Variants in CHID1 observed in about 807,000 individuals in gnomAD.
CHID1 encodes the protein chitinase domain-containing protein 1.
A neutral mutation model predicts 55.4 loss-of-function variants in CHID1; 44 were observed. The observed-to-expected ratio is 0.79, with a 90% confidence interval of 0.62 to 1.02. The LOEUF (loss-of-function observed/expected upper bound fraction) is 1.02, where lower values mean the gene tolerates loss of function less well. CHID1 is among the 50% of genes least tolerant of loss of function. The probability of loss-of-function intolerance (pLI) is 0.00; values close to 1 mark genes in which losing one functional copy is unlikely to be tolerated. For missense variants in CHID1, 491 were observed against 515.3 expected, an observed-to-expected ratio of 0.95 and a Z score of 0.46; for synonymous variants, 216 against 212.9, an observed-to-expected ratio of 1.01 and a Z score of -0.13.
chr11:912,570 C>T (rs574640427), upstream of CHID1, among the ~76,000 whole-genome samples: 2 of 152,162 alleles, frequency 1.3e-5, no homozygotes, highest in East Asian at 1.9e-4. Context: ...CTTGGCTGGG[C>T]GCGGTGGCTC....
Position 902,996 on chromosome 11 carries a change from T to C in CHID1, c.227A>G (p.His76Arg), listed in dbSNP as rs1284870348. 1.9e-6 allele frequency: 3 copies of C among 1,613,998 alleles called. No individual in the cohort carries two copies. The highest frequency in any genetic ancestry group is 1.3e-5 in the African/African-American group (1 of 75,064). Residue 76 changes from histidine to arginine, a missense_variant, in exon 3 of 13, where the codon CAC becomes CGC. By Grantham distance (29) the His-to-Arg change is conservative. Transcript: ENST00000323578. ...ATAGCCCAGTACATCCCCAGCAAAGTGTCTGTCCCGGGCCTTTGCCGAGCA... is the reference window on the plus strand; with the variant it reads ...ATAGCCCAGTACATCCCCAGCAAAGCGTCTGTCCCGGGCCTTTGCCGAGCA... ...SYCSAKARDR[H>R]FAGDVLGYVT...
At chr11:905,176 A>G (rs1477643671) in intron 1 of CHID1, among the ~76,000 whole-genome samples, 1 of 152,216 alleles carries the variant, frequency 6.6e-6, no homozygotes, top group African/African-American at 2.4e-5. Flanking sequence ...CTAGAAAAGC[A>G]TTGGTTCCCA....
At chr11:912,158 C>T (rs1407916885), upstream of CHID1, among the ~76,000 whole-genome samples, 1 of 152,124 alleles carries the variant, frequency 6.6e-6, no homozygotes, top group East Asian at 1.9e-4. Context: ...CCTGTCTCTA[C>T]TAAAAATACA....
At chr11:879,998 C>CACACACAGG in intron 10 of CHID1, among the ~76,000 whole-genome samples, 1 of 152,354 alleles carries the variant, frequency 6.6e-6, no homozygotes, top group East Asian at 1.9e-4. Flanking sequence ...GAGGGTGCAG[C>CACACACAGG]ACACACAGGA....
intron 1 of CHID1, 108 bp from the exon 2 acceptor site, chr11:904,967 G>A (rs887545943): frequency 1.1e-5 from 13 of 1,207,878 alleles, no homozygotes; most frequent in Non-Finnish European, 1.5e-5. Flanking sequence ...GGGTCCTCAT[G>A]GCACTGGATG....
At chr11:882,734 G>C (rs182823590) in intron 10 of CHID1, among the ~76,000 whole-genome samples, 1 of 152,308 alleles carries the variant, frequency 6.6e-6, no homozygotes, top group Non-Finnish European at 1.5e-5. Context: ...CAGAAATAAA[G>C]TAAAGTAATG....
chr11:912,191 G>T (rs929602788), upstream of CHID1, among the ~76,000 whole-genome samples: 3 of 152,246 alleles, frequency 2.0e-5, no homozygotes, highest in Admixed American at 1.3e-4. Context: ...GGTGGCGCAT[G>T]CCTGTAATCC....
At chr11:902,007 CTT>C (rs1431129188) in intron 4 of CHID1, 189 bp downstream of exon 4, 11 of 638,298 alleles carry the variant, frequency 1.7e-5, no homozygotes, top group Non-Finnish European at 2.2e-5. Flanking sequence ...CTCACAATCT[CTT>C]CTCTCCCACA....
upstream of CHID1, chr11:914,627 G>T: frequency 8.2e-7 from 1 of 1,215,306 alleles, no homozygotes; most frequent in Non-Finnish European, 1.1e-6. Flanking sequence ...CAGCACTTCG[G>T]GAGGCTGATC....
intron 1 of CHID1, among the ~76,000 whole-genome samples, chr11:905,668 CA>C (rs1042618226): frequency 1.3e-3 from 166 of 130,620 alleles, no homozygotes; most frequent in Admixed American, 1.3e-3. Flanking sequence ...GACTCCATCT[CA>C]AAAAAAAAAA....
In CHID1 at chr11:875,689, C is replaced by T. The variant is rs115603332; in HGVS notation, c.960-5190G>A. Among the ~76,000 whole-genome samples, 304 of 152,270 alleles carry T rather than the reference C, an allele frequency of 2.0e-3. 1 individual carries two copies. The highest frequency in any genetic ancestry group is 7.1e-3 in the African/African-American group (294 of 41,540). On this transcript the variant is annotated intron_variant, in intron 10 of 12. Transcript: ENST00000323578. The surrounding 1 kb of genome is among the most constrained non-coding windows in gnomAD (Gnocchi z 4.7). ...GCTCGCCACACCATTCTATGCACTT[C>T]TATGCTTGAAGATTCTCACAGTAAA... is the stretch of plus-strand genomic sequence containing the variant.
In CHID1 at chr11:904,856, A is replaced by C; in HGVS notation, c.-40T>G. 1 of 1,612,884 alleles carries C rather than the reference A, an allele frequency of 6.2e-7. No homozygotes were observed. Among genetic ancestry groups the C allele is most frequent in the South Asian group, 1.1e-5 (1 of 91,074 alleles). On this transcript the variant is annotated 5_prime_UTR_variant, in exon 2 of 13. Coordinates refer to ENST00000323578, the MANE Select transcript of CHID1 (RefSeq NM_023947.4). ...AGTAGGGTCCAACCTCGGGGTCCAG[A>C]GGGCTGCAGGGAAAGCAGAGCACAT...
Position 883,180 on chromosome 11 carries a change from G to A in CHID1, c.927C>T (p.Ser309=). The A allele has an allele frequency of 6.2e-7, 1 of 1,613,628 alleles. No individual in the cohort carries two copies. Reference sequence around the variant, plus strand: ...CGACAACAGGCTCACGGGCATCCTTGGAGGTCGCGTAGTCCATACCATAGA... The same window carrying A: ...CGACAACAGGCTCACGGGCATCCTTAGAGGTCGCGTAGTCCATACCATAGA... ...LNFYGMDYAT[S]KDAREPVVGA... Residue 309 remains serine, a synonymous_variant, in exon 10 of 13, where the codon TCC becomes TCT. Coordinates refer to ENST00000323578, the MANE Select transcript of CHID1 (RefSeq NM_023947.4).
At position 899,218 on chromosome 11, in the gene CHID1, C is replaced by A. The variant is rs565868307; in HGVS notation, c.608+122G>T. ...TGTCCATCTTTTGTGCAGCCCCGTC[C>A]CCACCCCAGGCACAGGGACTGTGGA... is the stretch of plus-strand genomic sequence containing the variant. On this transcript the variant is annotated intron_variant, in intron 7 of 12. Coordinates refer to ENST00000323578, the MANE Select transcript of CHID1 (RefSeq NM_023947.4). 78 of 950,384 alleles carry A rather than the reference C, an allele frequency of 8.2e-5. No individual in the cohort carries two copies. The African/African-American group carries it at 1.1e-3, about 13-fold the overall frequency. 58.9% of individuals were successfully genotyped at this position (950,384 alleles called of 1,614,324 possible). A position where few individuals can be genotyped will look rare whatever the true frequency, so the allele number is the denominator to read the frequency against.
intron 10 of CHID1, among the ~76,000 whole-genome samples, chr11:877,148 A>AG (rs1208671856): frequency 6.6e-6 from 1 of 152,162 alleles, no homozygotes; most frequent in Non-Finnish European, 1.5e-5. Flanking sequence ...GGGGGTCCTG[A>AG]GGGCATACAC....
At position 902,956 on chromosome 11, in the gene CHID1, A is replaced by C. The variant is rs774434948; in HGVS notation, c.261+6T>G. On this transcript the variant is annotated splice_donor_region_variant and intron_variant, in intron 3 of 12. Coordinates refer to ENST00000323578, the MANE Select transcript of CHID1 (RefSeq NM_023947.4). ...CTCCCTCTGCACTGTGAGGGCCCCA[A>C]CTTACTGGAGTGACATAGCCCAGTA... 7 of 1,612,846 alleles carry C rather than the reference A, an allele frequency of 4.3e-6. No individual in the cohort carries two copies. The highest frequency in any genetic ancestry group is 5.9e-6 in the Non-Finnish European group (7 of 1,179,066).
upstream of CHID1, among the ~76,000 whole-genome samples, chr11:911,616 A>G (rs1384695458): frequency 1.3e-5 from 2 of 151,920 alleles, no homozygotes; most frequent in South Asian, 2.1e-4. Flanking sequence ...CTGCTTCTCC[A>G]TTTCTGCTGC....
At position 869,581 on chromosome 11, in the gene CHID1, C is replaced by T. The variant is rs1849030034; in HGVS notation, c.*277G>A. The T allele has an allele frequency of 1.3e-5, 7 of 556,112 alleles. No homozygotes were observed. In the Admixed American group the frequency reaches 2.2e-4, roughly 18 times the overall value. The allele number at this position is 556,112 out of a possible 1,614,324, so 34.4% of individuals were successfully genotyped here. A position where few individuals can be genotyped will look rare whatever the true frequency, so the allele number is the denominator to read the frequency against. On this transcript the variant is annotated 3_prime_UTR_variant, in exon 13 of 13. Coordinates refer to ENST00000323578, the MANE Select transcript of CHID1 (RefSeq NM_023947.4). ...CCTGAGCCAGGCTGTCCTGGTGGGG[C>T]AGGTACTGTGGGCCCCGCCTGCCCA... is the stretch of plus-strand genomic sequence containing the variant.
chr11:912,477 A>C (rs1386399010), upstream of CHID1, among the ~76,000 whole-genome samples: 1 of 152,142 alleles, frequency 6.6e-6, no homozygotes, highest in Non-Finnish European at 1.5e-5. Flanking sequence ...GAGTCTTGTC[A>C]GTTGCCAGCA....
Sources: allele counts gnomAD v4.1 joint callset (sites outside exome capture counted in the v4.1 genomes callset), GRCh38; gene constraint gnomAD v4.1.1; non-coding constraint Gnocchi (gnomAD v3.1); transcripts MANE v1.5; gene names NCBI Gene and HGNC (gene_info 2026-07-23, HGNC 2026-07-21).